The following BBS9 variants were observed in gnomAD, a reference collection of about 807,000 sequenced individuals.
BBS9 encodes the protein Bardet-Biedl syndrome 9, also known as protein PTHB1.
A neutral mutation model predicts 117.7 loss-of-function variants in BBS9; 89 were observed. The observed-to-expected ratio is 0.76, with a 90% CI of 0.64 to 0.90. The LOEUF is 0.90. Ranked by LOEUF, BBS9 falls within the 40% of genes least tolerant of loss-of-function variation. The probability of loss-of-function intolerance (pLI) is 0.00; values close to 1 mark genes in which losing one functional copy is unlikely to be tolerated. For synonymous variants in BBS9, 379 were observed against 370.9 expected, an observed-to-expected ratio of 1.02 and a Z score of -0.25; for missense variants, 982 against 1,042.2, an observed-to-expected ratio of 0.94 and a Z score of 0.80.
chr7:33,341,280 C>G (rs1816496216), intron 11 of BBS9, among the ~76,000 whole-genome samples: 1 of 152,070 alleles, frequency 6.6e-6, no homozygotes, highest in Admixed American at 6.5e-5. Context: ...TTCTTAGTAC[C>G]ATAGCATTGA....
At chr7:33,331,162 C>T (rs58961617) in intron 9 of BBS9, among the ~76,000 whole-genome samples, 56,538 of 151,956 alleles carry the variant, frequency 0.37, 11,017 homozygotes, top group Admixed American at 0.49. Context: ...GAATTAAAAA[C>T]GAAAATCATA....
At chr7:33,542,616 T>A (rs1012472696) in intron 21 of BBS9, among the ~76,000 whole-genome samples, 3 of 152,140 alleles carry the variant, frequency 2.0e-5, no homozygotes, top group Non-Finnish European at 4.4e-5. Flanking sequence ...TCACTTAGAA[T>A]AATAGTCTCT....
chr7:33,264,280 T>A lies in BBS9; in HGVS notation c.618-10T>A. On this transcript the variant is annotated splice_polypyrimidine_tract_variant and intron_variant, in intron 6 of 22. Transcript: ENST00000242067. ...ACTCATTTATAATTTTTTAAATTTC[T>A]TTCATACAGGTACCAGGTACTTGCT... The A allele has an allele frequency of 6.9e-7, 1 of 1,452,206 alleles. No individual in the cohort carries two copies. The highest frequency in any genetic ancestry group is 9.2e-7 in the Non-Finnish European group (1 of 1,088,566). The allele number at this position is 1,452,206 out of a possible 1,614,324, so 90.0% of individuals were successfully genotyped here.
At chr7:33,129,426 C>T (rs911055774), upstream of BBS9, 3 of 281,294 alleles carry the variant, frequency 1.1e-5, no homozygotes, top group African/African-American at 2.2e-5. Context: ...AGCCCCGCCC[C>T]AGTAGCAATC....
chr7:33,553,421 C>T (rs1854773034), intron 21 of BBS9, among the ~76,000 whole-genome samples: 1 of 152,150 alleles, frequency 6.6e-6, no homozygotes, highest in African/African-American at 2.4e-5. Flanking sequence ...ACCTTGTGGC[C>T]TCATATTTGT....
intron 19 of BBS9, among the ~76,000 whole-genome samples, chr7:33,456,738 A>G (rs1471932814): frequency 6.6e-6 from 1 of 152,168 alleles, no homozygotes; most frequent in Non-Finnish European, 1.5e-5. Context: ...GGATGCTACT[A>G]AATAATATCC....
rs144245064 is a variant in BBS9 at position 33,186,173 on chromosome 7, G to A, written c.442+8582G>A. Among the ~76,000 whole-genome samples the A allele has an allele frequency of 7.7e-4, 117 of 152,310 alleles. 3 individuals are homozygous for A. The East Asian group carries it at 0.013, about 17-fold the overall frequency. On this transcript the variant is annotated intron_variant, in intron 5 of 22. Coordinates refer to ENST00000242067, the MANE Select transcript of BBS9 (RefSeq NM_198428.3). ...GTTGCATTTGAATTATAAGGGGATC[G>A]TGATTAAAATGCGGATTCTTGTAAG...
At chr7:33,594,963 A>G (rs1862496087) in intron 21 of BBS9, among the ~76,000 whole-genome samples, 2 of 152,172 alleles carry the variant, frequency 1.3e-5, no homozygotes, top group South Asian at 4.1e-4. Context: ...AAAGGATTTA[A>G]TGGTGCTGGG....
At chr7:33,329,994 ATAT>A (rs931437109) in intron 9 of BBS9, among the ~76,000 whole-genome samples, 1 of 151,760 alleles carries the variant, frequency 6.6e-6, no homozygotes, top group African/African-American at 2.4e-5. Context: ...AGTTCTTTAC[ATAT>A]TAGATTTAAC....
At chr7:33,631,306 T>C (rs1177428865) in intron 21 of BBS9, among the ~76,000 whole-genome samples, 1 of 152,204 alleles carries the variant, frequency 6.6e-6, no homozygotes, top group Non-Finnish European at 1.5e-5. Context: ...CAGCGTTCCA[T>C]GCCAGCGGGC....
Position 33,505,525 on chromosome 7 carries a change from G to T in BBS9, c.2178G>T (p.Arg726Ser), listed in dbSNP as rs1417236946. 6.2e-7 allele frequency: 1 copy of T among 1,614,166 alleles called. No homozygotes were observed. The highest frequency in any genetic ancestry group is 1.7e-4 in the Middle Eastern group (1 of 6,052). Reference protein sequence around the residue: ...NQGNLFQSFTRLKSATHLVIL... With the variant: ...NQGNLFQSFTSLKSATHLVIL... The stretch of plus-strand genomic sequence containing the variant: ...GCAATCTGTTCCAGTCATTCACCAG[G>T]CTGAAGAGTGCCACCCATTTGGTGA... Residue 726 changes from arginine (R) to serine (S), a missense_variant, in exon 20 of 23, where the codon AGG becomes AGT. Coordinates refer to ENST00000242067, the MANE Select transcript of BBS9 (RefSeq NM_198428.3).
intron 18 of BBS9, 117 bp from the exon 19 acceptor site, chr7:33,387,875 A>C: frequency 2.7e-6 from 3 of 1,128,426 alleles, no homozygotes; most frequent in Non-Finnish European, 4.0e-6. Flanking sequence ...CCTTAACTCT[A>C]TAATGCATTT....
chr7:33,415,126 C>T (rs1231365528), intron 19 of BBS9, among the ~76,000 whole-genome samples: 1 of 151,958 alleles, frequency 6.6e-6, no homozygotes, highest in Non-Finnish European at 1.5e-5. Context: ...TGGTGGGCTT[C>T]TTGGGGTAGG....
At chr7:33,635,063 C>T (rs571617710) in intron 21 of BBS9, among the ~76,000 whole-genome samples, 1 of 152,318 alleles carries the variant, frequency 6.6e-6, no homozygotes, top group East Asian at 1.9e-4. Flanking sequence ...CGGTTCAATC[C>T]TGTGCTCAGA....
At chr7:33,592,712 A>C (rs1326891055) in intron 21 of BBS9, among the ~76,000 whole-genome samples, 1 of 152,088 alleles carries the variant, frequency 6.6e-6, no homozygotes, top group Non-Finnish European at 1.5e-5. Flanking sequence ...TGTCATTATT[A>C]AAAACAACAC....
chr7:33,500,567 G>GGTATGACAGC (rs1369107906), intron 19 of BBS9, among the ~76,000 whole-genome samples: 5 of 152,174 alleles, frequency 3.3e-5, no homozygotes, highest in African/African-American at 1.2e-4. Flanking sequence ...TGATAATCTG[G>GGTATGACAGC]GTATGACAGC....
intron 1 of BBS9, among the ~76,000 whole-genome samples, chr7:33,145,013 A>T (rs1262259661): frequency 6.6e-5 from 10 of 152,218 alleles, no homozygotes. Context: ...AATCAGCAAT[A>T]CATATTAAAT....
chr7:33,470,664 A>G (rs887628613), intron 19 of BBS9, among the ~76,000 whole-genome samples: 1 of 152,226 alleles, frequency 6.6e-6, no homozygotes, highest in African/African-American at 2.4e-5. Flanking sequence ...GGCAGAAAAT[A>G]CTTAGTGCCT....
rs1491562874 is a variant in BBS9 at position 33,388,185 on chromosome 7, ACT to A, written c.2115+42_2115+43del. 9 of 1,606,656 alleles carry A rather than the reference ACT, an allele frequency of 5.6e-6. No individual in the cohort carries two copies. The African/African-American group carries it at 1.1e-4, about 19-fold the overall frequency. On this transcript the variant is annotated intron_variant, in intron 19 of 22. Transcript: ENST00000242067. ...GTAACAGTTTTCTATTACTGGCTAT[ACT>A]TTTTTTTGTCACCCTAGAGTCATGT...
Sources: allele counts gnomAD v4.1 joint callset (sites outside exome capture counted in the v4.1 genomes callset), GRCh38; gene constraint gnomAD v4.1.1; transcripts MANE v1.5; gene names NCBI Gene and HGNC (gene_info 2026-07-23, HGNC 2026-07-21).